RAMP3: variants seen among roughly 807,000 people sequenced by gnomAD.
The protein encoded by RAMP3 is receptor activity-modifying protein 3.
RAMP3 carries 14 observed loss-of-function variants against 13.5 expected under a neutral mutation model. That is an observed-to-expected ratio of 1.04 (90% confidence interval 0.69 to 1.63). The LOEUF is 1.63. Among genes scored for constraint, RAMP3 ranks in the 40% most tolerant of loss-of-function variants. RAMP3 has a pLI of 0.00. For missense variants in RAMP3, 200 were observed against 204.8 expected (o/e 0.98, Z 0.14); for synonymous variants, 106 against 88.3 (o/e 1.20, Z -1.12).
Position 45,183,439 on chromosome 7 carries a change from C to T in RAMP3, c.*27C>T, listed in dbSNP as rs767534231. The stretch of plus-strand genomic sequence containing the variant: ...GGTCCCGGTGAGATGGAGTGGGTCA[C>T]ACCTGGCAAGCTGGAAGAAAGTTCC... On this transcript the variant is annotated 3_prime_UTR_variant, in exon 3 of 3. Coordinates refer to ENST00000242249, the MANE Select transcript of RAMP3 (RefSeq NM_005856.3). 1.2e-6 allele frequency: 2 copies of T among 1,603,712 alleles called. No individual in the cohort carries two copies. Among genetic ancestry groups the T allele is most frequent in the African/African-American group, 1.3e-5 (1 of 74,882 alleles).
intron 1 of RAMP3, among the ~76,000 whole-genome samples, chr7:45,169,775 A>T (rs1260035702): frequency 6.6e-6 from 1 of 152,202 alleles, no homozygotes; most frequent in Non-Finnish European, 1.5e-5. Flanking sequence ...TTGTAAGAAT[A>T]TACCAGTCAT....
chr7:45,182,554 CA>C (rs1468547155), intron 2 of RAMP3, among the ~76,000 whole-genome samples: 11 of 152,168 alleles, frequency 7.2e-5, no homozygotes, highest in Non-Finnish European at 1.6e-4. Flanking sequence ...ATCTCATGGA[CA>C]GGGGGACCCA....
At chr7:45,160,041 G>T (rs1455360753) in intron 1 of RAMP3, among the ~76,000 whole-genome samples, 1 of 152,170 alleles carries the variant, frequency 6.6e-6, no homozygotes, top group Non-Finnish European at 1.5e-5. Flanking sequence ...TTAAAGACTT[G>T]GAGGTGGCCG....
rs996583324 is a variant in RAMP3 at position 45,173,433 on chromosome 7, G to A, written c.59-3876G>A. On this transcript the variant is annotated intron_variant, in intron 1 of 2. Transcript: ENST00000242249. ...ACCCTGGGCTATTGTCCAGGCTGCC[G>A]CTAACAAACTGGGATTTTGGGTGAA... Among the ~76,000 whole-genome samples the A allele has an allele frequency of 3.1e-4, 47 of 152,322 alleles. 1 individual carries two copies. The highest frequency in any genetic ancestry group is 6.8e-3 in the Middle Eastern group (2 of 294).
Position 45,177,367 on chromosome 7 carries a change from G to C in RAMP3, c.117G>C (p.Leu39=), listed in dbSNP as rs373191529. The C allele has an allele frequency of 6.2e-7, 1 of 1,614,162 alleles. No homozygotes were observed. Among genetic ancestry groups the C allele is most frequent in the Admixed American group, 1.7e-5 (1 of 60,030 alleles). Residue 39 remains leucine, a synonymous_variant, in exon 2 of 3, where the codon CTG becomes CTC. Transcript: ENST00000242249. ...NETGMLERLP[L]CGKAFADMMG... ...CAGGCATGTTGGAGAGGCTGCCCCT[G>C]TGTGGGAAGGCTTTCGCAGACATGA... is the stretch of plus-strand genomic sequence containing the variant.
At chr7:45,159,355 C>A (rs1785822174) in intron 1 of RAMP3, among the ~76,000 whole-genome samples, 1 of 152,190 alleles carries the variant, frequency 6.6e-6, no homozygotes, top group Non-Finnish European at 1.5e-5. Flanking sequence ...GGGACTGGAA[C>A]CCACATCTGC....
intron 1 of RAMP3, among the ~76,000 whole-genome samples, chr7:45,170,558 C>G (rs1291902523): frequency 6.6e-6 from 1 of 152,096 alleles, no homozygotes; most frequent in East Asian, 1.9e-4. Context: ...AGGATGATCT[C>G]GGTCTCCTGA....
rs990265761 is a variant in RAMP3 at position 45,184,242 on chromosome 7, C to T, written c.*830C>T. 2.5e-6 allele frequency: 1 copy of T among 398,122 alleles called. No individual in the cohort carries two copies. The highest frequency in any genetic ancestry group is 2.1e-5 in the African/African-American group (1 of 48,650). 24.7% of individuals were successfully genotyped at this position (398,122 alleles called of 1,614,324 possible). A position where few individuals can be genotyped will look rare whatever the true frequency, so the allele number is the denominator to read the frequency against. The stretch of plus-strand genomic sequence containing the variant: ...GTTTTATCTGAGTAAAGTTACCTTA[C>T]TTCTGGAATTTCCTGTTTTGTTTCA... On this transcript the variant is annotated 3_prime_UTR_variant, in exon 3 of 3. Coordinates refer to ENST00000242249, the MANE Select transcript of RAMP3 (RefSeq NM_005856.3).
intron 1 of RAMP3, among the ~76,000 whole-genome samples, chr7:45,175,711 T>G (rs1786168695): frequency 6.6e-6 from 1 of 151,882 alleles, no homozygotes; most frequent in Non-Finnish European, 1.5e-5. Context: ...CAGGTGGGGG[T>G]GGGCTGAGCA....
At chr7:45,170,828 T>C (rs565659828) in intron 1 of RAMP3, among the ~76,000 whole-genome samples, 2 of 152,270 alleles carry the variant, frequency 1.3e-5, no homozygotes, top group African/African-American at 4.8e-5. Flanking sequence ...AATTTTATTT[T>C]ATAGAGATGA....
chr7:45,160,274 G>A (rs1785838892), intron 1 of RAMP3, among the ~76,000 whole-genome samples: 1 of 132,776 alleles, frequency 7.5e-6, no homozygotes, highest in South Asian at 2.6e-4. Context: ...GGAGATTGCA[G>A]TGAGCCGAGA....
At chr7:45,165,369 T>C (rs1281679974) in intron 1 of RAMP3, among the ~76,000 whole-genome samples, 1 of 152,242 alleles carries the variant, frequency 6.6e-6, no homozygotes, top group African/African-American at 2.4e-5. Flanking sequence ...ATATATTTAC[T>C]TGCATAGTTA....
intron 1 of RAMP3, among the ~76,000 whole-genome samples, chr7:45,174,820 A>G (rs950835164): frequency 6.6e-6 from 1 of 152,188 alleles, no homozygotes; most frequent in Admixed American, 6.5e-5. Flanking sequence ...TGGAACCCAG[A>G]TGGCAGGTCC....
chr7:45,161,913 A>G (rs1785875085), intron 1 of RAMP3, among the ~76,000 whole-genome samples: 1 of 152,100 alleles, frequency 6.6e-6, no homozygotes, highest in South Asian at 2.1e-4. Context: ...GGAGCTCAGG[A>G]GACCCACCCA....
intron 1 of RAMP3, among the ~76,000 whole-genome samples, chr7:45,169,141 A>G (rs936232955): frequency 6.6e-6 from 1 of 152,178 alleles, no homozygotes; most frequent in Admixed American, 6.5e-5. Flanking sequence ...GTCATGGTGT[A>G]TAATCCTTTT....
chr7:45,159,943 C>T (rs1785831581), intron 1 of RAMP3, among the ~76,000 whole-genome samples: 1 of 152,166 alleles, frequency 6.6e-6, no homozygotes, highest in African/African-American at 2.4e-5. Context: ...TAAATGATGT[C>T]CTGCTGCCAT....
chr7:45,158,918 T>C (rs560964531), intron 1 of RAMP3, among the ~76,000 whole-genome samples: 1 of 152,340 alleles, frequency 6.6e-6, no homozygotes, highest in African/African-American at 2.4e-5. Flanking sequence ...CAAAGGTGGA[T>C]GGCAGCTTCT....
intron 2 of RAMP3, among the ~76,000 whole-genome samples, chr7:45,178,853 G>C (rs935975881): frequency 6.6e-6 from 1 of 152,238 alleles, no homozygotes; most frequent in Non-Finnish European, 1.5e-5. Context: ...TGGGCATTTA[G>C]GAGCCAGTGA....
chr7:45,179,764 T>C (rs1459654053), intron 2 of RAMP3, among the ~76,000 whole-genome samples: 2 of 152,110 alleles, frequency 1.3e-5, no homozygotes, highest in African/African-American at 4.8e-5. Context: ...GGGCATGAGC[T>C]TGCAGCCGGT....
Sources: allele counts gnomAD v4.1 joint callset (sites outside exome capture counted in the v4.1 genomes callset), GRCh38; gene constraint gnomAD v4.1.1; transcripts MANE v1.5; gene names NCBI Gene and HGNC (gene_info 2026-07-23, HGNC 2026-07-21).